PSD3: variants seen among roughly 807,000 people sequenced by gnomAD.
PSD3 encodes the protein PH and SEC7 domain-containing protein 3.
A neutral mutation model predicts 105.5 loss-of-function variants in PSD3; 49 were observed. That is an observed-to-expected ratio of 0.46 (90% CI 0.37 to 0.59). The LOEUF (loss-of-function observed/expected upper bound fraction) is 0.59, where lower values mean the gene tolerates loss of function less well. Among genes scored for constraint, PSD3 ranks in the 20% least tolerant of loss-of-function variants. The pLI, the probability that PSD3 is intolerant of heterozygous loss-of-function variation, is 0.00. For missense variants in PSD3, 1,561 were observed against 1,263.8 expected, an observed-to-expected ratio of 1.24 and a Z score of -3.57; for synonymous variants, 557 against 457.8, an observed-to-expected ratio of 1.22 and a Z score of -2.77.
intron 9 of PSD3, among the ~76,000 whole-genome samples, chr8:18,664,846 G>C (rs542050196): frequency 6.6e-6 from 1 of 152,260 alleles, no homozygotes; most frequent in Admixed American, 6.5e-5. Flanking sequence ...AAAATCCTGA[G>C]GCCCTTACTC....
intron 13 of PSD3, 33 bp from the exon 14 acceptor site, chr8:18,572,705 T>C: frequency 2.5e-6 from 4 of 1,604,648 alleles, no homozygotes; most frequent in African/African-American, 2.7e-5. Flanking sequence ...TATCAGGATA[T>C]TGCCATGTCT....
chr8:19,063,035 G>A (rs527678123), intron 1 of PSD3, among the ~76,000 whole-genome samples: 1 of 152,318 alleles, frequency 6.6e-6, no homozygotes, highest in South Asian at 2.1e-4. Context: ...AGTTGGACTT[G>A]AAGAATACAG....
chr8:18,702,716 C>G (rs1486506435), intron 9 of PSD3, among the ~76,000 whole-genome samples: 1 of 151,908 alleles, frequency 6.6e-6, no homozygotes, highest in Non-Finnish European at 1.5e-5. Flanking sequence ...GGGTTCACAC[C>G]ATTTTCCTGC....
chr8:18,636,260 ATTTTTAACAATT>A (rs151127867), intron 10 of PSD3, among the ~76,000 whole-genome samples: 65,077 of 151,666 alleles, frequency 0.43, 14,432 homozygotes, highest in Middle Eastern at 0.53. Context: ...ATGTGTTCTA[ATTTTTAACAATT>A]TTTTTAACAA....
chr8:18,965,529 G>A (rs1824186554), intron 1 of PSD3, among the ~76,000 whole-genome samples: 1 of 152,160 alleles, frequency 6.6e-6, no homozygotes, highest in Non-Finnish European at 1.5e-5. Context: ...TTGCCACTGT[G>A]ACCATTTACT....
intron 9 of PSD3, among the ~76,000 whole-genome samples, chr8:18,761,254 A>C (rs6994455): frequency 6.6e-6 from 1 of 152,032 alleles, no homozygotes; most frequent in Non-Finnish European, 1.5e-5. Context: ...AGCAGAGGCT[A>C]TGTATCTTTG....
chr8:19,033,789 T>C (rs371774708), intron 1 of PSD3, among the ~76,000 whole-genome samples: 2 of 152,226 alleles, frequency 1.3e-5, no homozygotes, highest in South Asian at 4.1e-4. Context: ...CAAACAACTC[T>C]ATAACTGTAT....
intron 9 of PSD3, among the ~76,000 whole-genome samples, chr8:18,755,451 A>ACATAACATAG (rs1805953491): frequency 6.6e-6 from 1 of 151,724 alleles, no homozygotes; most frequent in African/African-American, 2.4e-5. Flanking sequence ...ACATAACATA[A>ACATAACATAG]CATAACATAA....
At chr8:18,617,217 T>C (rs1306684096) in intron 11 of PSD3, among the ~76,000 whole-genome samples, 1 of 152,136 alleles carries the variant, frequency 6.6e-6, no homozygotes, top group African/African-American at 2.4e-5. Flanking sequence ...CAAACTGAGA[T>C]ATTATATTTG....
intron 1 of PSD3, among the ~76,000 whole-genome samples, chr8:19,061,455 AGGTATTACTATCTTGTTTGTTTGCT>A (rs1828892100): frequency 6.6e-6 from 1 of 152,150 alleles, no homozygotes; most frequent in South Asian, 2.1e-4. Flanking sequence ...AGGAGCGGAC[AGGTATTACTATCTTGTTTGTTTGCT>A]GGTGAACTTG....
chr8:18,563,788 A>C (rs1349329533), intron 14 of PSD3, among the ~76,000 whole-genome samples: 1 of 152,212 alleles, frequency 6.6e-6, no homozygotes, highest in African/African-American at 2.4e-5. Flanking sequence ...GAATGTGAAA[A>C]AATGAATCAG....
chr8:18,714,583 C>T (rs1465806429), intron 9 of PSD3, among the ~76,000 whole-genome samples: 2 of 152,042 alleles, frequency 1.3e-5, no homozygotes, highest in Admixed American at 6.6e-5. Context: ...CAATGAGATA[C>T]CATTTCACAC....
chr8:18,572,723 A>G (rs2130334449), intron 13 of PSD3, 51 bp from the exon 14 acceptor site: 2 of 1,579,844 alleles, frequency 1.3e-6, no homozygotes, highest in African/African-American at 2.7e-5. Flanking sequence ...TCTAAGTAGC[A>G]TCACACTTTG....
intron 2 of PSD3, among the ~76,000 whole-genome samples, chr8:18,882,513 A>G (rs1405124973): frequency 6.6e-6 from 1 of 152,132 alleles, no homozygotes; most frequent in Admixed American, 6.5e-5. Context: ...AGCTCCATCT[A>G]TATATACTGT....
At chr8:18,541,053 T>C (rs1393711522) in intron 15 of PSD3, among the ~76,000 whole-genome samples, 1 of 151,808 alleles carries the variant, frequency 6.6e-6, no homozygotes, top group Admixed American at 6.6e-5. Flanking sequence ...ACTTTGACAC[T>C]GAGGCCTTCC....
intron 11 of PSD3, among the ~76,000 whole-genome samples, chr8:18,623,231 G>T (rs925427750): frequency 3.4e-5 from 4 of 118,378 alleles, no homozygotes; most frequent in African/African-American, 1.5e-4. Context: ...TTTTCTAATT[G>T]TAATTTTCCT....
At chr8:18,604,748 G>A (rs556902714) in intron 11 of PSD3, among the ~76,000 whole-genome samples, 1 of 152,168 alleles carries the variant, frequency 6.6e-6, no homozygotes, top group African/African-American at 2.4e-5. Flanking sequence ...GCCCTGTGAA[G>A]CCTCGGGACA....
At chr8:18,880,796 G>C (rs1347215086) in intron 2 of PSD3, among the ~76,000 whole-genome samples, 2 of 152,164 alleles carry the variant, frequency 1.3e-5, no homozygotes, top group Non-Finnish European at 2.9e-5. Flanking sequence ...AGTCCTACCT[G>C]AATTTGGTCT....
At chr8:19,034,364 A>T (rs1827875757) in intron 1 of PSD3, among the ~76,000 whole-genome samples, 1 of 152,208 alleles carries the variant, frequency 6.6e-6, no homozygotes, top group South Asian at 2.1e-4. Flanking sequence ...ATGGAATCAT[A>T]TGGACCTGGA....
Sources: allele counts gnomAD v4.1 joint callset (sites outside exome capture counted in the v4.1 genomes callset), GRCh38; gene constraint gnomAD v4.1.1; transcripts MANE v1.5; gene names NCBI Gene and HGNC (gene_info 2026-07-23, HGNC 2026-07-21).